The following TP53I11 variants were observed in gnomAD, a reference collection of about 807,000 sequenced individuals.
TP53I11 encodes tumor protein p53-inducible protein 11.
Under a neutral mutation model 23.3 loss-of-function variants are expected in TP53I11, and 9 were observed. The observed-to-expected ratio is 0.39, with a 90% CI of 0.23 to 0.67. The LOEUF (loss-of-function observed/expected upper bound fraction) is 0.67, where lower values mean the gene tolerates loss of function less well. Ranked by LOEUF, TP53I11 falls within the 30% of genes least tolerant of loss-of-function variation. TP53I11 has a pLI of 0.48. For missense variants in TP53I11, 170 were observed against 255.2 expected (o/e 0.67, Z 2.27); for synonymous variants, 100 against 106.1 (o/e 0.94, Z 0.35).
Position 44,934,864 on chromosome 11 carries a change from G to A in TP53I11, c.*20C>T. The A allele has an allele frequency of 6.2e-7, 1 of 1,613,694 alleles. No homozygotes were observed. Among genetic ancestry groups the A allele is most frequent in the Non-Finnish European group, 8.5e-7 (1 of 1,179,856 alleles). On this transcript the variant is annotated 3_prime_UTR_variant, in exon 7 of 7. Transcript: ENST00000525680. ...CCACTCTGGCCCAGGCATGGGCAGG[G>A]CCCCAGGCCCAGCGGGCAACTAGGC...
rs1302517694 is a variant in TP53I11 at position 44,932,370 on chromosome 11, G to A, written c.*2514C>T. The A allele has an allele frequency of 6.6e-6, 1 of 152,220 alleles. No individual in the cohort carries two copies. Among genetic ancestry groups the A allele is most frequent in the Non-Finnish European group, 1.5e-5 (1 of 68,064 alleles). The allele number at this position is 152,220 out of a possible 1,614,324, so 9.4% of individuals were successfully genotyped here. A position where few individuals can be genotyped will look rare whatever the true frequency, so the allele number is the denominator to read the frequency against. On this transcript the variant is annotated 3_prime_UTR_variant, in exon 7 of 7. Coordinates refer to ENST00000525680, the MANE Select transcript of TP53I11 (RefSeq NM_006034.5). Reference sequence around the variant, plus strand: ...CACTGATGGTTTTGCACTGGTTTTTGTGAATGTTTCTTACAAAAAGAAAAA... The same window carrying A: ...CACTGATGGTTTTGCACTGGTTTTTATGAATGTTTCTTACAAAAAGAAAAA...
At chr11:44,938,522 T>A (rs539706584) in intron 1 of TP53I11, 156 bp from the exon 2 acceptor site, 6 of 849,574 alleles carry the variant, frequency 7.1e-6, no homozygotes, top group Non-Finnish European at 1.0e-5. Context: ...GGCTTCCTTG[T>A]CAAATGGGTT....
At chr11:44,935,052 G>C in intron 6 of TP53I11, 35 bp from the exon 7 acceptor site, 2 of 1,611,476 alleles carry the variant, frequency 1.2e-6, no homozygotes, top group South Asian at 2.2e-5. Context: ...CACAGGGTCA[G>C]AGGAGGGGAT....
intron 6 of TP53I11, 29 bp downstream of exon 6, chr11:44,935,532 C>A: frequency 6.2e-7 from 1 of 1,606,852 alleles, no homozygotes; most frequent in South Asian, 1.1e-5. Context: ...GGCCCATCAG[C>A]CTCCCTCACT....
Position 44,938,198 on chromosome 11 carries a change from G to A in TP53I11, c.129+9C>T, listed in dbSNP as rs774442356. 1.9e-6 allele frequency: 3 copies of A among 1,610,622 alleles called. No homozygotes were observed. Among genetic ancestry groups the A allele is most frequent in the Non-Finnish European group, 2.5e-6 (3 of 1,178,908 alleles). On this transcript the variant is annotated intron_variant, in intron 2 of 6. Coordinates refer to ENST00000525680, the MANE Select transcript of TP53I11 (RefSeq NM_006034.5). Reference sequence around the variant, plus strand: ...AGTGGGTGCCGGAGGCCCCTGCTCTGCACCCCACCTTGGAGCGATGCACCT... The same window carrying A: ...AGTGGGTGCCGGAGGCCCCTGCTCTACACCCCACCTTGGAGCGATGCACCT...
rs934672249 is a variant in TP53I11 at position 44,936,434 on chromosome 11, G to T, written c.334+369C>A. On this transcript the variant is annotated intron_variant, in intron 5 of 6. Transcript: ENST00000525680. The surrounding 1 kb of genome is among the most constrained non-coding windows in gnomAD (Gnocchi z 4.4). ...AGAAGTGGCTCTGGGGATAAAATAG[G>T]GGGGGTGCGAGGGGTTTTGCAGACA... 15 of 1,232,692 alleles carry T rather than the reference G, an allele frequency of 1.2e-5. No individual in the cohort carries two copies. Among genetic ancestry groups the T allele is most frequent in the African/African-American group, 9.3e-5 (6 of 64,388 alleles). The allele number at this position is 1,232,692 out of a possible 1,614,324, so 76.4% of individuals were successfully genotyped here. A position where few individuals can be genotyped will look rare whatever the true frequency, so the allele number is the denominator to read the frequency against.
intron 1 of TP53I11, chr11:44,940,952 G>T (rs1369632324): frequency 6.6e-6 from 1 of 152,258 alleles, no homozygotes; most frequent in East Asian, 1.9e-4. Context: ...CTCCTGGCTG[G>T]TTAACCCCTC....
At position 44,935,787 on chromosome 11, in the gene TP53I11, C is replaced by T. The variant is rs1590736507; in HGVS notation, c.335-125G>A. ...ACAGCTGGGGTCCTGGACTCCACGC[C>T]TCCGCCCCTATTCACATTTCTCAAA... On this transcript the variant is annotated intron_variant, in intron 5 of 6. Transcript: ENST00000525680. 9.0e-6 allele frequency: 6 copies of T among 667,086 alleles called. No individual in the cohort carries two copies. In the Admixed American group the frequency reaches 1.4e-4, roughly 16 times the overall value. 41.3% of individuals were successfully genotyped at this position (667,086 alleles called of 1,614,324 possible).
chr11:44,936,511 G>T lies in TP53I11; in HGVS notation c.334+292C>A, dbSNP rs998204285. ...CTGTGAATTCCTAGAGGCTGGGCCT[G>T]GGCTTCCTCCATCTCTGTACCACAA... On this transcript the variant is annotated intron_variant, in intron 5 of 6. Transcript: ENST00000525680. This position sits in a 1 kb window ranked among gnomAD's most constrained non-coding sequence, Gnocchi z 4.4. 4.7e-5 allele frequency: 58 copies of T among 1,243,576 alleles called. No homozygotes were observed. The highest frequency in any genetic ancestry group is 5.7e-5 in the Non-Finnish European group (57 of 994,494). The allele number at this position is 1,243,576 out of a possible 1,614,324, so 77.0% of individuals were successfully genotyped here.
Position 44,936,355 on chromosome 11 carries a change from C to G in TP53I11, c.334+448G>C. ...ATGCTGAGCTTTAAAAATTGTAATTCCAAATCCTAACGTGTGCATCTCAGG... is the reference window on the plus strand; with the variant it reads ...ATGCTGAGCTTTAAAAATTGTAATTGCAAATCCTAACGTGTGCATCTCAGG... On this transcript the variant is annotated intron_variant, in intron 5 of 6. Transcript: ENST00000525680. This position sits in a 1 kb window ranked among gnomAD's most constrained non-coding sequence, Gnocchi z 4.4. The G allele has an allele frequency of 8.2e-7, 1 of 1,225,784 alleles. No individual in the cohort carries two copies. Among genetic ancestry groups the G allele is most frequent in the Non-Finnish European group, 1.0e-6 (1 of 984,950 alleles). 75.9% of individuals were successfully genotyped at this position (1,225,784 alleles called of 1,614,324 possible). A position where few individuals can be genotyped will look rare whatever the true frequency, so the allele number is the denominator to read the frequency against.
At chr11:44,940,501 T>C (rs1565095160) in intron 1 of TP53I11, 1 of 152,252 alleles carries the variant, frequency 6.6e-6, no homozygotes, top group Non-Finnish European at 1.5e-5. Context: ...AGTGGAATGA[T>C]AAAGCGTAGA....
chr11:44,941,376 A>G (rs1200673677), intron 1 of TP53I11, among the ~76,000 whole-genome samples: 2 of 152,194 alleles, frequency 1.3e-5, no homozygotes, highest in African/African-American at 4.8e-5. Flanking sequence ...AATAATGGAC[A>G]GACAGTGCTT....
At chr11:44,947,057 A>T (rs1590799649) in intron 1 of TP53I11, 3 of 456,348 alleles carry the variant, frequency 6.6e-6, no homozygotes, top group South Asian at 4.6e-5. Flanking sequence ...AGAGGGCGAG[A>T]GGTCAGGGCA....
At chr11:44,937,072 C>T (rs765032553) in intron 4 of TP53I11, 173 bp from the exon 5 acceptor site, 36 of 740,922 alleles carry the variant, frequency 4.9e-5, no homozygotes, top group Non-Finnish European at 7.1e-5. Context: ...GGACAGAAAA[C>T]TCCAGGGTTC....
rs527562386 is a variant in TP53I11, at chr11:44,947,916, C to G, written c.-32+2761G>C. Among the ~76,000 whole-genome samples the G allele has an allele frequency of 1.1e-4, 16 of 152,334 alleles. No individual in the cohort carries two copies. In the South Asian group the frequency reaches 2.3e-3, roughly 22 times the overall value. On this transcript the variant is annotated intron_variant, in intron 1 of 6. Coordinates refer to ENST00000525680, the MANE Select transcript of TP53I11 (RefSeq NM_006034.5). ...AATAATGCTGCTCATTATTTTTAGA[C>G]TAGAAGACTCTACTTCCTTGCCTCA...
intron 1 of TP53I11, among the ~76,000 whole-genome samples, chr11:44,949,413 A>G (rs1862711848): frequency 6.6e-6 from 1 of 152,108 alleles, no homozygotes; most frequent in Admixed American, 6.5e-5. Flanking sequence ...AAAGAAACCA[A>G]TCAGGAAGTG....
chr11:44,935,796 T>C (rs1861044389), intron 5 of TP53I11, 134 bp from the exon 6 acceptor site: 1 of 641,164 alleles, frequency 1.6e-6, no homozygotes, highest in Non-Finnish European at 2.8e-6. Flanking sequence ...CCTCCGCCCC[T>C]ATTCACATTT....
At chr11:44,939,724 C>T (rs1033830994) in intron 1 of TP53I11, among the ~76,000 whole-genome samples, 3 of 66,610 alleles carry the variant, frequency 4.5e-5, no homozygotes, top group African/African-American at 1.2e-4. Context: ...TATACCATGT[C>T]GCATTGGGAA....
chr11:44,942,871 C>T (rs1380763111), intron 1 of TP53I11, among the ~76,000 whole-genome samples: 1 of 152,230 alleles, frequency 6.6e-6, no homozygotes, highest in East Asian at 1.9e-4. Flanking sequence ...CACCCAGCAG[C>T]CCCTCACCTG....
Sources: gnomAD v4.1 joint callset for allele counts (sites outside exome capture counted in the v4.1 genomes callset) on GRCh38, gnomAD v4.1.1 for gene constraint, Gnocchi (gnomAD v3.1) non-coding constraint, MANE v1.5 for transcripts, NCBI Gene and HGNC (gene_info 2026-07-23, HGNC 2026-07-21) for gene names.